Variants in ZNF385D observed in about 807,000 individuals in gnomAD.
The protein encoded by ZNF385D is zinc finger protein 385D.
In ZNF385D, 15 loss-of-function variants were observed where a neutral mutation model predicts 35.8. The observed-to-expected ratio is 0.42, with a 90% CI of 0.28 to 0.64. ZNF385D has a LOEUF of 0.64. Ranked by LOEUF, ZNF385D falls within the 30% of genes least tolerant of loss-of-function variation. The probability of loss-of-function intolerance (pLI) is 0.23; values close to 1 mark genes in which losing one functional copy is unlikely to be tolerated. For synonymous variants in ZNF385D, 212 were observed against 186.8 expected, an observed-to-expected ratio of 1.13 and a Z score of -1.10; for missense variants, 474 against 494.6, an observed-to-expected ratio of 0.96 and a Z score of 0.39.
chr3:22,298,394 G>GTGTA (rs1413820174), intron 2 of ZNF385D, among the ~76,000 whole-genome samples: 56 of 135,584 alleles, frequency 4.1e-4, no homozygotes, highest in African/African-American at 9.7e-4. Flanking sequence ...GTGTGTGTGT[G>GTGTA]TATATATATG....
intron 3 of ZNF385D, among the ~76,000 whole-genome samples, chr3:22,060,811 A>C (rs1163569597): frequency 2.0e-5 from 3 of 152,136 alleles, no homozygotes; most frequent in South Asian, 2.1e-4. Flanking sequence ...GAATATAAAC[A>C]GTGAATTTTA....
At chr3:21,832,601 G>A (rs542121644) in intron 3 of ZNF385D, among the ~76,000 whole-genome samples, 11 of 152,200 alleles carry the variant, frequency 7.2e-5, no homozygotes, top group South Asian at 2.1e-4. Flanking sequence ...CTGTGTAACC[G>A]GTAAATACAT....
intron 2 of ZNF385D, among the ~76,000 whole-genome samples, chr3:22,302,241 G>A (rs1440495735): frequency 2.6e-5 from 4 of 152,018 alleles, no homozygotes; most frequent in Non-Finnish European, 5.9e-5. Flanking sequence ...CAGCTACCTA[G>A]GATGGGTCCT....
intron 3 of ZNF385D, among the ~76,000 whole-genome samples, chr3:21,561,622 G>A (rs570537807): frequency 5.4e-4 from 82 of 152,264 alleles, no homozygotes; most frequent in African/African-American, 1.9e-3. Flanking sequence ...CCATTGTAGG[G>A]TTTTAAATTG....
At chr3:22,174,617 C>G (rs2125768255) in intron 2 of ZNF385D, among the ~76,000 whole-genome samples, 1 of 152,112 alleles carries the variant, frequency 6.6e-6, no homozygotes, top group East Asian at 1.9e-4. Flanking sequence ...GTGGTAGAGA[C>G]CAAGGCTAAA....
At chr3:21,665,509 G>C (rs975378417) in intron 1 of ZNF385D, among the ~76,000 whole-genome samples, 7 of 152,148 alleles carry the variant, frequency 4.6e-5, no homozygotes, top group Admixed American at 2.6e-4. Flanking sequence ...GCACATAAAA[G>C]AAATTTAACC....
At chr3:22,085,046 T>C (rs538503072) in intron 3 of ZNF385D, among the ~76,000 whole-genome samples, 1 of 152,134 alleles carries the variant, frequency 6.6e-6, no homozygotes, top group Non-Finnish European at 1.5e-5. Context: ...AGACACAACA[T>C]ATCAGAATCT....
At chr3:21,877,924 T>A (rs772741916) in intron 3 of ZNF385D, 1 of 152,054 alleles carries the variant, frequency 6.6e-6, no homozygotes, top group South Asian at 2.1e-4. Context: ...TATGTGTTGA[T>A]ATACTATTAA....
Position 21,902,906 on chromosome 3 carries a change from G to C in ZNF385D, c.326-237878C>G, listed in dbSNP as rs144020630. The stretch of plus-strand genomic sequence containing the variant: ...AGGAGTAACTGGCTGCTTTACTGAA[G>C]AGTTTTATTTTGATAGACTTTCAGT... On this transcript the variant is annotated intron_variant, in intron 3 of 5. Coordinates refer to the ZNF385D transcript ENST00000494108. Among the ~76,000 whole-genome samples, 38 of 152,220 alleles carry C rather than the reference G, an allele frequency of 2.5e-4. 2 individuals carry two copies. In the East Asian group the frequency reaches 6.4e-3, roughly 26 times the overall value.
At chr3:21,921,519 T>A (rs1343204603) in intron 3 of ZNF385D, among the ~76,000 whole-genome samples, 1 of 148,378 alleles carries the variant, frequency 6.7e-6, no homozygotes, top group African/African-American at 2.4e-5. Flanking sequence ...CAGAAGTAAA[T>A]CTTATGATAT....
chr3:22,185,653 A>G (rs1020062068), intron 2 of ZNF385D, among the ~76,000 whole-genome samples: 1 of 152,122 alleles, frequency 6.6e-6, no homozygotes, highest in Non-Finnish European at 1.5e-5. Context: ...TTTTTAGTAG[A>G]GATAGCGATT....
intron 3 of ZNF385D, among the ~76,000 whole-genome samples, chr3:22,009,103 C>G (rs995734775): frequency 9.9e-5 from 15 of 152,122 alleles, no homozygotes; most frequent in Non-Finnish European, 1.5e-5. Context: ...CTTTAGAGAG[C>G]ACATTGTAAT....
chr3:21,994,970 C>T (rs1272057304), intron 3 of ZNF385D, among the ~76,000 whole-genome samples: 1 of 152,210 alleles, frequency 6.6e-6, no homozygotes, highest in Admixed American at 6.5e-5. Context: ...CCTCAGATGG[C>T]ATACATGTGC....
Position 22,053,168 on chromosome 3 carries a change from C to T in ZNF385D, c.325+115649G>A, listed in dbSNP as rs530610439. Among the ~76,000 whole-genome samples, 2 of 88,392 alleles carry T rather than the reference C, an allele frequency of 2.3e-5. 1 individual carries two copies. The highest frequency in any genetic ancestry group is 4.7e-5 in the Non-Finnish European group (2 of 42,872). 58.0% of individuals were successfully genotyped at this position (88,392 alleles called of 152,430 possible). ...TCAGCGAGATTCCGTGGGCGTAGGA[C>T]CCTCCGAGCCAGGTGTGGGATATAG... On this transcript the variant is annotated intron_variant, in intron 3 of 5. Transcript: ENST00000494108.
chr3:22,311,253 CTT>C (rs1209358458), intron 2 of ZNF385D, among the ~76,000 whole-genome samples: 1 of 151,892 alleles, frequency 6.6e-6, no homozygotes, highest in African/African-American at 2.4e-5. Flanking sequence ...ATATTAAACA[CTT>C]TAATTCAAGT....
chr3:21,844,839 A>G (rs1695898088), intron 3 of ZNF385D, among the ~76,000 whole-genome samples: 1 of 152,056 alleles, frequency 6.6e-6, no homozygotes, highest in Non-Finnish European at 1.5e-5. Context: ...GCCTTGTTCA[A>G]CCTCACAAAT....
At chr3:21,869,213 T>C (rs1227155841) in intron 3 of ZNF385D, among the ~76,000 whole-genome samples, 1 of 152,132 alleles carries the variant, frequency 6.6e-6, no homozygotes, top group Admixed American at 6.6e-5. Context: ...CTATCTTCCA[T>C]GGCTAATGTG....
At chr3:22,242,396 C>A (rs556957834) in intron 2 of ZNF385D, among the ~76,000 whole-genome samples, 1 of 150,922 alleles carries the variant, frequency 6.6e-6, no homozygotes, top group South Asian at 2.2e-4. Context: ...ATCACCTTAA[C>A]CAAACGATCA....
At chr3:21,781,085 G>A (rs2071471065) in intron 3 of ZNF385D, among the ~76,000 whole-genome samples, 1 of 152,060 alleles carries the variant, frequency 6.6e-6, no homozygotes, top group Non-Finnish European at 1.5e-5. Flanking sequence ...CTGAGATGGA[G>A]AAGCTAGGAG....
Sources: allele counts gnomAD v4.1 joint callset (sites outside exome capture counted in the v4.1 genomes callset), GRCh38; gene constraint gnomAD v4.1.1; transcripts MANE v1.5; gene names NCBI Gene and HGNC (gene_info 2026-07-23, HGNC 2026-07-21).